The following AXIN1 variants were observed in gnomAD, a reference collection of about 807,000 sequenced individuals.
AXIN1 encodes axin-1.
In AXIN1, 30 loss-of-function variants were observed where a neutral mutation model predicts 76.4. That is an observed-to-expected ratio of 0.39 (90% CI 0.29 to 0.53). AXIN1 has a LOEUF of 0.53. AXIN1 is among the 20% of genes least tolerant of loss of function. The pLI is 0.66. For missense variants in AXIN1, 1,140 were observed against 1,198.8 expected (o/e 0.95, Z 0.72); for synonymous variants, 545 against 501.4 (o/e 1.09, Z -1.16).
intron 5 of AXIN1, among the ~76,000 whole-genome samples, chr16:303,187 G>A (rs1415658046): frequency 2.6e-5 from 4 of 152,002 alleles, no homozygotes; most frequent in African/African-American, 9.7e-5. Context: ...CAAGTGAGAC[G>A]ACCAGGTGGG....
At chr16:324,607 G>C (rs113019601) in intron 2 of AXIN1, among the ~76,000 whole-genome samples, 2 of 152,324 alleles carry the variant, frequency 1.3e-5, no homozygotes, top group Admixed American at 6.5e-5. Context: ...GTTATCACAA[G>C]ACCACACGCC....
intron 2 of AXIN1, among the ~76,000 whole-genome samples, chr16:318,055 T>A (rs1337712751): frequency 6.6e-6 from 1 of 152,188 alleles, no homozygotes; most frequent in African/African-American, 2.4e-5. Flanking sequence ...ACACGGCGCG[T>A]CTGTAGCCCA....
intron 2 of AXIN1, among the ~76,000 whole-genome samples, chr16:317,517 G>A (rs928869192): frequency 3.9e-5 from 6 of 152,214 alleles, no homozygotes; most frequent in Non-Finnish European, 8.8e-5. Flanking sequence ...TGGCCTGGTC[G>A]CTCACTGCAG....
In AXIN1 at chr16:352,559, G is replaced by C; in HGVS notation, c.-272C>G. On this transcript the variant is annotated 5_prime_UTR_variant, in exon 1 of 11. Transcript: ENST00000262320. Reference sequence around the variant, plus strand: ...GGGCAGGCCGCGGGGGCGCCGCAGGGGCCCAGCCGCCAGCTCCCACCCGCC... The same window carrying C: ...GGGCAGGCCGCGGGGGCGCCGCAGGCGCCCAGCCGCCAGCTCCCACCCGCC... 2 of 288,556 alleles carry C rather than the reference G, an allele frequency of 6.9e-6. No homozygotes were observed. The highest frequency in any genetic ancestry group is 1.0e-5 in the Non-Finnish European group (2 of 195,976). The allele number at this position is 288,556 out of a possible 1,614,324, so 17.9% of individuals were successfully genotyped here.
intron 2 of AXIN1, among the ~76,000 whole-genome samples, chr16:342,761 GTC>G (rs1384924538): frequency 6.6e-6 from 1 of 152,222 alleles, no homozygotes. Flanking sequence ...AGAGCCCAAG[GTC>G]ACTGCAGCAG....
At chr16:323,168 G>T (rs9927135) in intron 2 of AXIN1, among the ~76,000 whole-genome samples, 3,006 of 152,192 alleles carry the variant, frequency 0.02, 106 homozygotes, top group African/African-American at 0.068. Flanking sequence ...GGCCGGGCGC[G>T]GTGGCTCATG....
chr16:337,840 C>T (rs971971712), intron 2 of AXIN1, among the ~76,000 whole-genome samples: 2 of 152,240 alleles, frequency 1.3e-5, no homozygotes, highest in African/African-American at 4.8e-5. Context: ...GCCGGGCGTG[C>T]GGCCTCTGGG....
At chr16:294,105 G>A (rs956483169) in intron 7 of AXIN1, among the ~76,000 whole-genome samples, 1 of 152,148 alleles carries the variant, frequency 6.6e-6, no homozygotes, top group African/African-American at 2.4e-5. Context: ...AGGTTACAGT[G>A]AGCCGGGATC....
chr16:288,386 C>T, intron 10 of AXIN1, 138 bp from the exon 11 acceptor site: 3 of 1,307,818 alleles, frequency 2.3e-6, no homozygotes, highest in African/African-American at 1.5e-5. Flanking sequence ...TGCATGTGCG[C>T]CCCCTCCCAG....
rs968574161 is a variant in AXIN1 at position 333,691 on chromosome 16, T to A, written c.878+12457A>T. On this transcript the variant is annotated intron_variant, in intron 2 of 10. Coordinates refer to ENST00000262320, the MANE Select transcript of AXIN1 (RefSeq NM_003502.4). ...GGTGATGGTGCAAATTCCTCTAAAT[T>A]TATGGGGGGGGTGCCACCCAACCTA... is the stretch of plus-strand genomic sequence containing the variant. 1.4e-5 allele frequency among the ~76,000 whole-genome samples: 2 copies of A among 139,280 alleles called. 1 individual carries two copies. 91.4% of individuals were successfully genotyped at this position (139,280 alleles called of 152,430 possible).
chr16:327,018 T>C (rs923663536), intron 2 of AXIN1, among the ~76,000 whole-genome samples: 20 of 151,852 alleles, frequency 1.3e-4, no homozygotes, highest in African/African-American at 4.6e-4. Flanking sequence ...GGCGGGTGCC[T>C]GTAGTCCCAG....
intron 2 of AXIN1, among the ~76,000 whole-genome samples, chr16:325,965 G>A (rs185855292): frequency 6.7e-4 from 101 of 151,844 alleles, no homozygotes; most frequent in African/African-American, 2.1e-3. Context: ...GAAAAGGCCC[G>A]CCCTGGTTCA....
In AXIN1 at chr16:301,141, G is replaced by T. The variant is rs1300996732; in HGVS notation, c.1255-2890C>A. 2.0e-5 allele frequency among the ~76,000 whole-genome samples: 3 copies of T among 152,076 alleles called. No homozygotes were observed. In the East Asian group the frequency reaches 5.8e-4, roughly 29 times the overall value. On this transcript the variant is annotated intron_variant, in intron 5 of 10. Coordinates refer to ENST00000262320, the MANE Select transcript of AXIN1 (RefSeq NM_003502.4). The stretch of plus-strand genomic sequence containing the variant: ...AAAAAATTAGCCGGGCGTGATGGTG[G>T]GCGCCTGTAGTCCCAGCTACTGGGG...
Position 293,640 on chromosome 16 carries a change from C to A in AXIN1, c.2034G>T (p.Gln678His), listed in dbSNP as rs1399745546. Residue 678 changes from glutamine to histidine, a missense_variant, in exon 8 of 11, where the codon CAG (glutamine) becomes CAT (histidine). By Grantham distance (24) the Gln-to-His change is conservative. Transcript: ENST00000262320. This position sits in a 1 kb window ranked among gnomAD's most constrained non-coding sequence, Gnocchi z 4.6. ...LSLEHPWAGP[Q>H]LRTSVQPSHL... is the part of the protein sequence containing the mutation. The stretch of plus-strand genomic sequence containing the variant: ...GGGAGGGCTGCACGGAGGTCCGGAG[C>A]TGAGGGCCGGCCCAGGGGTGCTCAA... 1 of 1,613,560 alleles carries A rather than the reference C, an allele frequency of 6.2e-7. No homozygotes were observed. The highest frequency in any genetic ancestry group is 1.7e-5 in the Admixed American group (1 of 60,016).
At chr16:330,372 C>G (rs1475976560) in intron 2 of AXIN1, among the ~76,000 whole-genome samples, 3 of 152,176 alleles carry the variant, frequency 2.0e-5, no homozygotes, top group Non-Finnish European at 4.4e-5. Flanking sequence ...TACCAAACGT[C>G]TTTCATATAG....
At chr16:330,050 C>G (rs573082578) in intron 2 of AXIN1, among the ~76,000 whole-genome samples, 255 of 148,254 alleles carry the variant, frequency 1.7e-3, no homozygotes, top group South Asian at 9.5e-3. Flanking sequence ...ACAGGCATGA[C>G]CCACTGTGCC....
chr16:334,652 C>G (rs1445486283), intron 2 of AXIN1, among the ~76,000 whole-genome samples: 1 of 150,904 alleles, frequency 6.6e-6, no homozygotes, highest in Non-Finnish European at 1.5e-5. Flanking sequence ...TAATGCAGCA[C>G]CCAGTACCAT....
intron 7 of AXIN1, among the ~76,000 whole-genome samples, chr16:295,325 G>A (rs114678669): frequency 0.021 from 3,176 of 151,814 alleles, 102 homozygotes; most frequent in African/African-American, 0.073. Context: ...GGCCAGTCTG[G>A]TCTCGAACTC....
At chr16:341,671 G>A (rs983372625) in intron 2 of AXIN1, among the ~76,000 whole-genome samples, 12 of 152,252 alleles carry the variant, frequency 7.9e-5, no homozygotes, top group Non-Finnish European at 1.2e-4. Flanking sequence ...CTGCAACCCC[G>A]GTGCGGGATC....
Sources: gnomAD v4.1 joint callset for allele counts (sites outside exome capture counted in the v4.1 genomes callset) on GRCh38, gnomAD v4.1.1 for gene constraint, Gnocchi (gnomAD v3.1) non-coding constraint, MANE v1.5 for transcripts, NCBI Gene and HGNC (gene_info 2026-07-23, HGNC 2026-07-21) for gene names.